CNTNAP2: variants seen among roughly 807,000 people sequenced by gnomAD.
CNTNAP2 encodes the protein contactin-associated protein-like 2.
In CNTNAP2, 98 loss-of-function variants were observed where a neutral mutation model predicts 155.2. The observed-to-expected ratio is 0.63, with a 90% CI of 0.54 to 0.75. The LOEUF is 0.75. Among genes scored for constraint, CNTNAP2 ranks in the 30% least tolerant of loss-of-function variants. The pLI, the probability that CNTNAP2 is intolerant of heterozygous loss-of-function variation, is 0.00. For synonymous variants in CNTNAP2, 651 were observed against 631.2 expected (o/e 1.03, Z -0.47); for missense variants, 1,727 against 1,688.1 (o/e 1.02, Z -0.40).
At chr7:146,278,798 A>G (rs372167437) in intron 1 of CNTNAP2, among the ~76,000 whole-genome samples, 1 of 152,324 alleles carries the variant, frequency 6.6e-6, no homozygotes, top group Admixed American at 6.5e-5. Flanking sequence ...GAAGTAACCA[A>G]TATTTCTGGT....
At chr7:147,940,792 G>T (rs1800707418) in intron 14 of CNTNAP2, among the ~76,000 whole-genome samples, 2 of 152,108 alleles carry the variant, frequency 1.3e-5, no homozygotes, top group South Asian at 4.1e-4. Flanking sequence ...CCCACCTCGG[G>T]CACCAAAAGT....
intron 1 of CNTNAP2, among the ~76,000 whole-genome samples, chr7:146,486,892 A>G (rs761737693): frequency 6.6e-6 from 1 of 152,158 alleles, no homozygotes; most frequent in Non-Finnish European, 1.5e-5. Flanking sequence ...CTAGATGCCA[A>G]GTGTTTTCTC....
At chr7:147,078,688 TA>T (rs948777839) in intron 4 of CNTNAP2, among the ~76,000 whole-genome samples, 3 of 151,570 alleles carry the variant, frequency 2.0e-5, no homozygotes, top group African/African-American at 4.8e-5. Context: ...ATTCCTCCAT[TA>T]AAAAAAACTC....
rs555968230 is a variant in CNTNAP2 at position 147,161,437 on chromosome 7, ATAAC to A, written c.1348+28931_1348+28934del. 1.1e-3 allele frequency among the ~76,000 whole-genome samples: 174 copies of A among 152,266 alleles called. 1 individual carries two copies. The highest frequency in any genetic ancestry group is 3.8e-3 in the African/African-American group (160 of 41,572). ...GTAATTAAGGAATATGTATCTGTTT[ATAAC>A]TATATACTTGGAGCCAAGTATACTG... On this transcript the variant is annotated intron_variant, in intron 8 of 23. Coordinates refer to ENST00000361727, the MANE Select transcript of CNTNAP2 (RefSeq NM_014141.6).
chr7:146,815,875 C>T (rs908427873), intron 2 of CNTNAP2, among the ~76,000 whole-genome samples: 1 of 152,106 alleles, frequency 6.6e-6, no homozygotes, highest in African/African-American at 2.4e-5. Context: ...TCGTCATTTA[C>T]ATTAGGTATT....
chr7:146,940,676 G>A (rs1426682440), intron 3 of CNTNAP2, among the ~76,000 whole-genome samples: 1 of 146,576 alleles, frequency 6.8e-6, no homozygotes, highest in African/African-American at 2.5e-5. Context: ...CTACACATTA[G>A]TGTAGTAAAT....
intron 1 of CNTNAP2, among the ~76,000 whole-genome samples, chr7:146,175,867 C>T (rs535046425): frequency 6.6e-6 from 1 of 152,092 alleles, no homozygotes; most frequent in South Asian, 2.1e-4. Flanking sequence ...TTCTTTCTCT[C>T]TTCTTTTTCT....
intron 3 of CNTNAP2, among the ~76,000 whole-genome samples, chr7:146,848,153 A>T (rs1794796938): frequency 3.3e-5 from 5 of 152,180 alleles, no homozygotes. Context: ...ACCCAGATCT[A>T]CTGATCAGAA....
intron 2 of CNTNAP2, among the ~76,000 whole-genome samples, chr7:146,783,322 T>C (rs911885201): frequency 6.6e-6 from 1 of 152,202 alleles, no homozygotes; most frequent in African/African-American, 2.4e-5. Context: ...AAATACAACT[T>C]TTCAAAGATT....
chr7:146,236,007 C>T (rs761876606), intron 1 of CNTNAP2, among the ~76,000 whole-genome samples: 3 of 151,500 alleles, frequency 2.0e-5, no homozygotes, highest in Non-Finnish European at 4.4e-5. Context: ...ATGCCATTAT[C>T]CCTGGTATTC....
chr7:146,489,002 A>G (rs1350671805), intron 1 of CNTNAP2, among the ~76,000 whole-genome samples: 2 of 152,166 alleles, frequency 1.3e-5, no homozygotes, highest in Admixed American at 6.5e-5. Flanking sequence ...AGAGATTTCA[A>G]TTTGAACAGC....
chr7:146,871,929 T>G (rs1324112275), intron 3 of CNTNAP2, among the ~76,000 whole-genome samples: 12 of 152,098 alleles, frequency 7.9e-5, no homozygotes, highest in Admixed American at 7.9e-4. Context: ...ATTGCTATTC[T>G]CCAAAGATTT....
intron 1 of CNTNAP2, among the ~76,000 whole-genome samples, chr7:146,497,156 T>C (rs1011755985): frequency 9.2e-5 from 14 of 152,204 alleles, no homozygotes; most frequent in African/African-American, 3.1e-4. Context: ...CTTCTACTTA[T>C]TGAATCTGGT....
At chr7:148,175,622 A>G (rs1233118801) in intron 18 of CNTNAP2, among the ~76,000 whole-genome samples, 1 of 152,126 alleles carries the variant, frequency 6.6e-6, no homozygotes, top group African/African-American at 2.4e-5. Flanking sequence ...GTTGCATGAA[A>G]ATAAAGACCT....
chr7:147,479,849 G>A (rs1798390880), intron 10 of CNTNAP2, among the ~76,000 whole-genome samples: 1 of 151,566 alleles, frequency 6.6e-6, no homozygotes, highest in Non-Finnish European at 1.5e-5. Context: ...TTACAATAGT[G>A]TTTCTAGTTT....
At chr7:148,096,234 T>G (rs1170686228) in intron 15 of CNTNAP2, among the ~76,000 whole-genome samples, 1 of 151,920 alleles carries the variant, frequency 6.6e-6, no homozygotes, top group Middle Eastern at 3.2e-3. Context: ...ATCTCCTCGT[T>G]TGTCAAGATT....
At chr7:147,392,289 A>G (rs370668252) in intron 9 of CNTNAP2, among the ~76,000 whole-genome samples, 3 of 151,560 alleles carry the variant, frequency 2.0e-5, no homozygotes, top group East Asian at 1.9e-4. Context: ...GGTTTCTGTT[A>G]TAATTCTCTG....
At chr7:148,175,779 G>A (rs970985329) in intron 18 of CNTNAP2, among the ~76,000 whole-genome samples, 1 of 152,102 alleles carries the variant, frequency 6.6e-6, no homozygotes, top group African/African-American at 2.4e-5. Flanking sequence ...CAGGAGAATG[G>A]TGGGCAGACA....
chr7:148,008,106 G>A (rs1378464585), intron 15 of CNTNAP2, among the ~76,000 whole-genome samples: 1 of 152,040 alleles, frequency 6.6e-6, no homozygotes, highest in African/African-American at 2.4e-5. Context: ...GCTCATGCCT[G>A]TAGTCTCAGC....
Sources: allele counts gnomAD v4.1 joint callset (sites outside exome capture counted in the v4.1 genomes callset), GRCh38; gene constraint gnomAD v4.1.1; transcripts MANE v1.5; gene names NCBI Gene and HGNC (gene_info 2026-07-23, HGNC 2026-07-21).